Variants in METTL15 observed in about 807,000 individuals in gnomAD.
METTL15 encodes the protein 12S rRNA N(4)-cytidine methyltransferase METTL15.
METTL15 carries 34 observed loss-of-function variants against 38.3 expected under a neutral mutation model. That is an observed-to-expected ratio of 0.89 (90% CI 0.68 to 1.18). The LOEUF is 1.18. Among genes scored for constraint, METTL15 ranks in the 50% most tolerant of loss-of-function variants. METTL15 has a pLI of 0.00. For missense variants in METTL15, 438 were observed against 498.4 expected (o/e 0.88, Z 1.15); for synonymous variants, 162 against 170.9 (o/e 0.95, Z 0.41).
intron 5 of METTL15, among the ~76,000 whole-genome samples, chr11:28,362,704 CT>C (rs1166416313): frequency 2.0e-5 from 3 of 152,212 alleles, no homozygotes; most frequent in Admixed American, 6.5e-5. Flanking sequence ...TGATTTTGTT[CT>C]TTTTTATGGC....
chr11:28,353,931 C>CAAAA (rs374097845), intron 4 of METTL15, among the ~76,000 whole-genome samples: 2 of 46,316 alleles, frequency 4.3e-5, no homozygotes, highest in Non-Finnish European at 8.8e-5. Context: ...GACTCCGTCT[C>CAAAA]AAAAAAAAAA....
At chr11:28,335,710 G>T (rs761677362), downstream of METTL15, among the ~76,000 whole-genome samples, 9 of 152,082 alleles carry the variant, frequency 5.9e-5, no homozygotes, top group Non-Finnish European at 1.2e-4. Flanking sequence ...AAAAGAGCCT[G>T]GTTCCTCCCT....
downstream of METTL15, among the ~76,000 whole-genome samples, chr11:28,527,937 A>G (rs1488268573): frequency 6.6e-6 from 1 of 152,146 alleles, no homozygotes; most frequent in Non-Finnish European, 1.5e-5. Context: ...AATATTTTCA[A>G]ACTTGAAGGT....
chr11:28,240,322 T>C (rs1392153305), intron 4 of METTL15, among the ~76,000 whole-genome samples: 4 of 152,208 alleles, frequency 2.6e-5, no homozygotes, highest in Non-Finnish European at 5.9e-5. Context: ...AACAAAGTTA[T>C]ATAATCTAGA....
chr11:28,528,439 A>G (rs532977500), downstream of METTL15, among the ~76,000 whole-genome samples: 6 of 152,336 alleles, frequency 3.9e-5, no homozygotes, highest in East Asian at 1.9e-4. Flanking sequence ...CTCCTTTCAT[A>G]TAACATTGCT....
intron 4 of METTL15, among the ~76,000 whole-genome samples, chr11:28,257,679 C>T (rs140411217): frequency 8.5e-5 from 13 of 152,152 alleles, no homozygotes; most frequent in Admixed American, 1.3e-4. Context: ...TAACAGATTC[C>T]GATGCATTCT....
rs888729160 is a variant in METTL15 at position 28,307,808 on chromosome 11, A to T, written c.778+10877A>T. Among the ~76,000 whole-genome samples, 4 of 152,146 alleles carry T rather than the reference A, an allele frequency of 2.6e-5. 1 individual carries two copies. In the South Asian group the frequency reaches 8.3e-4, roughly 31 times the overall value. Reference sequence around the variant, plus strand: ...GGTTTTACTTTCTAAGAATTAACAAAAAATGATCTTTCCTAGTTACATAGC... The same window carrying T: ...GGTTTTACTTTCTAAGAATTAACAATAAATGATCTTTCCTAGTTACATAGC... On this transcript the variant is annotated intron_variant, in intron 6 of 6. Coordinates refer to ENST00000407364, the MANE Select transcript of METTL15 (RefSeq NM_001113528.2).
At chr11:28,132,858 A>C (rs1004646806) in intron 3 of METTL15, among the ~76,000 whole-genome samples, 7 of 152,136 alleles carry the variant, frequency 4.6e-5, no homozygotes, top group Admixed American at 3.9e-4. Context: ...GTTTTATTTG[A>C]ACTTAGAGTA....
At chr11:28,387,158 G>A (rs747697506) in intron 5 of METTL15, among the ~76,000 whole-genome samples, 1 of 151,516 alleles carries the variant, frequency 6.6e-6, no homozygotes, top group South Asian at 2.1e-4. Flanking sequence ...AATAGAAAAA[G>A]AACAAAATAA....
intron 6 of METTL15, 135 bp downstream of exon 6, chr11:28,297,066 T>A: frequency 1.1e-6 from 1 of 877,814 alleles, no homozygotes. Context: ...TCATTTGTAC[T>A]TGAAATCCAG....
At chr11:28,251,216 C>G (rs1854729372) in intron 4 of METTL15, among the ~76,000 whole-genome samples, 1 of 152,040 alleles carries the variant, frequency 6.6e-6, no homozygotes, top group South Asian at 2.1e-4. Flanking sequence ...CCTACCAAAT[C>G]TTATATTCTC....
intron 3 of METTL15, among the ~76,000 whole-genome samples, chr11:28,200,470 T>C (rs1352262731): frequency 6.6e-6 from 1 of 151,926 alleles, no homozygotes; most frequent in Non-Finnish European, 1.5e-5. Context: ...ACATAGTCGT[T>C]ATTATTACTC....
chr11:28,505,185 T>C (rs1294023074), intron 6 of METTL15, among the ~76,000 whole-genome samples: 2 of 152,128 alleles, frequency 1.3e-5, no homozygotes, highest in Non-Finnish European at 2.9e-5. Context: ...TATGTGTGTA[T>C]GTGTGTTTTT....
chr11:28,150,229 A>G (rs946751971), intron 3 of METTL15, among the ~76,000 whole-genome samples: 2 of 151,976 alleles, frequency 1.3e-5, no homozygotes, highest in African/African-American at 4.8e-5. Context: ...TTTATTAGTT[A>G]TACTACACTA....
intron 4 of METTL15, among the ~76,000 whole-genome samples, chr11:28,283,943 G>A (rs1856155636): frequency 6.6e-6 from 1 of 152,108 alleles, no homozygotes; most frequent in Admixed American, 6.6e-5. Flanking sequence ...AGAAGTAAAG[G>A]AAAGAAGAGA....
intron 6 of METTL15, among the ~76,000 whole-genome samples, chr11:28,307,865 TA>T: frequency 6.6e-6 from 1 of 152,052 alleles, no homozygotes; most frequent in African/African-American, 2.4e-5. Context: ...GCTACATATA[TA>T]TTTTTACTGA....
At chr11:28,161,832 C>T (rs1039732602) in intron 3 of METTL15, among the ~76,000 whole-genome samples, 52 of 152,048 alleles carry the variant, frequency 3.4e-4, no homozygotes, top group African/African-American at 1.2e-3. Context: ...GATGGAAATA[C>T]TAAGCAGGTG....
At chr11:28,316,245 C>T (rs1280912256) in intron 6 of METTL15, among the ~76,000 whole-genome samples, 1 of 152,216 alleles carries the variant, frequency 6.6e-6, no homozygotes, top group Admixed American at 6.5e-5. Flanking sequence ...TGAGAACCCA[C>T]CTCTTGCATC....
At chr11:28,455,396 G>A (rs1851159468) in intron 6 of METTL15, among the ~76,000 whole-genome samples, 1 of 151,758 alleles carries the variant, frequency 6.6e-6, no homozygotes, top group Admixed American at 6.6e-5. Context: ...TCCTTTCAGT[G>A]GAAAATTTAT....
Sources: gnomAD v4.1 joint callset for allele counts (sites outside exome capture counted in the v4.1 genomes callset) on GRCh38, gnomAD v4.1.1 for gene constraint, MANE v1.5 for transcripts, NCBI Gene and HGNC (gene_info 2026-07-23, HGNC 2026-07-21) for gene names.